The following ADCY9 variants were observed in gnomAD, a reference collection of about 807,000 sequenced individuals.
The protein encoded by ADCY9 is adenylate cyclase type 9.
In ADCY9, 50 loss-of-function variants were observed where a neutral mutation model predicts 101.5. That is an observed-to-expected ratio of 0.49 (90% confidence interval 0.39 to 0.62). The LOEUF (loss-of-function observed/expected upper bound fraction) is 0.62, where lower values mean the gene tolerates loss of function less well. Ranked by LOEUF, ADCY9 falls within the 20% of genes least tolerant of loss-of-function variation. The pLI is 0.00. For missense variants in ADCY9, 1,662 were observed against 1,800.4 expected (o/e 0.92, Z 1.39); for synonymous variants, 905 against 769.3 (o/e 1.18, Z -2.92).
chr16:4,052,296 G>A (rs1471396528), intron 2 of ADCY9, among the ~76,000 whole-genome samples: 1 of 152,220 alleles, frequency 6.6e-6, no homozygotes, highest in Non-Finnish European at 1.5e-5. Flanking sequence ...GGGCTCCGGG[G>A]CCTCTGCATT....
rs557256393 is a variant in ADCY9 at position 4,108,423 on chromosome 16, G to C, written c.1693+5327C>G. On this transcript the variant is annotated intron_variant, in intron 2 of 10. Coordinates refer to ENST00000294016, the MANE Select transcript of ADCY9 (RefSeq NM_001116.4). ...AAGTCTCGCCCTATCGCCCAGGCTG[G>C]AGTGCAATGGCACGATCTCGGCTCA... Among the ~76,000 whole-genome samples the C allele has an allele frequency of 2.3e-3, 302 of 132,014 alleles. 1 individual carries two copies. Among genetic ancestry groups the C allele is most frequent in the African/African-American group, 8.0e-3 (288 of 35,968 alleles). The allele number at this position is 132,014 out of a possible 152,430, so 86.6% of individuals were successfully genotyped here. A position where few individuals can be genotyped will look rare whatever the true frequency, so the allele number is the denominator to read the frequency against.
intron 6 of ADCY9, among the ~76,000 whole-genome samples, chr16:3,985,798 T>C (rs2141693913): frequency 6.6e-6 from 1 of 152,214 alleles, no homozygotes; most frequent in African/African-American, 2.4e-5. Flanking sequence ...CCTGCCCTGC[T>C]ACTTGCCAGA....
intron 2 of ADCY9, among the ~76,000 whole-genome samples, chr16:4,098,353 T>C (rs994413681): frequency 1.1e-4 from 17 of 151,840 alleles, no homozygotes; most frequent in Non-Finnish European, 1.5e-5. Flanking sequence ...CCTGTCTCAA[T>C]TTCCCGAGTA....
rs564832517 is a variant in ADCY9 at position 3,993,499 on chromosome 16, C to T, written c.1896G>A (p.Ser632=). ...KTFDNLKTCP[S]CGITFAPKSE... ...ATTTGGGAGCAAATGTGATTCCGCACGAAGGGCAGGTCTAGAAGAAAAACA... is the reference window on the plus strand; with the variant it reads ...ATTTGGGAGCAAATGTGATTCCGCATGAAGGGCAGGTCTAGAAGAAAAACA... The change falls in exon 4 of 11, where the codon TCG becomes TCA. Residue 632 remains serine, a synonymous_variant. Coordinates refer to ENST00000294016, the MANE Select transcript of ADCY9 (RefSeq NM_001116.4). 4.0e-5 allele frequency: 65 copies of T among 1,614,034 alleles called. No individual in the cohort carries two copies. Among genetic ancestry groups the T allele is most frequent in the South Asian group, 2.7e-4 (25 of 91,074 alleles).
rs1646744104 is a variant in ADCY9, at chr16:3,977,513, G to T, written c.2797C>A (p.Leu933Ile). Residue 933 changes from leucine (L) to isoleucine (I), a missense_variant, in exon 9 of 11, where the codon CTC (leucine) becomes ATC (isoleucine). Around this residue, in one of 5 missense-constraint regions of ADCY9, gnomAD observed 624 missense variants for 639.1 expected, o/e 0.98. Coordinates refer to ENST00000294016, the MANE Select transcript of ADCY9 (RefSeq NM_001116.4). The part of the protein sequence containing the change: ...LATVVGAGPL[L>I]LLYVSLCPDS... ...GGGCACAGGGAGACGTAGAGCAGGA[G>T]CAGCGGCCCGGCCCCCACGACGGTG... 1.3e-6 allele frequency: 2 copies of T among 1,580,644 alleles called. No individual in the cohort carries two copies. Among genetic ancestry groups the T allele is most frequent in the Non-Finnish European group, 1.7e-6 (2 of 1,163,390 alleles).
At chr16:3,983,095 C>T (rs889853727) in intron 7 of ADCY9, 137 bp downstream of exon 7, 17 of 824,152 alleles carry the variant, frequency 2.1e-5, no homozygotes, top group Middle Eastern at 7.3e-4. Flanking sequence ...TCGGGGAGGA[C>T]ACGGGGACCC....
chr16:4,086,940 G>A (rs536225063), intron 2 of ADCY9, among the ~76,000 whole-genome samples: 40 of 151,920 alleles, frequency 2.6e-4, no homozygotes, highest in Non-Finnish European at 4.0e-4. Context: ...AATTACAGGC[G>A]TGAGCCACCA....
At chr16:4,009,251 ATGTTTTGTTT>A (rs113201607) in intron 2 of ADCY9, among the ~76,000 whole-genome samples, 6 of 150,884 alleles carry the variant, frequency 4.0e-5, no homozygotes, top group East Asian at 3.9e-4. Context: ...GAAACTCTTC[ATGTTTTGTTT>A]TGTTTTGTTT....
rs748696081 is a variant in ADCY9, at chr16:3,992,639, C to A, written c.1990-276G>T. The stretch of plus-strand genomic sequence containing the variant: ...CATTGAGACATGGGAAGAGTCGGTG[C>A]GGAGGTGGAGGGGAAGGGAGGAAAG... On this transcript the variant is annotated intron_variant, in intron 4 of 10. Coordinates refer to ENST00000294016, the MANE Select transcript of ADCY9 (RefSeq NM_001116.4). This position sits in a 1 kb window ranked among gnomAD's most constrained non-coding sequence, Gnocchi z 4.2. Among the ~76,000 whole-genome samples, 11 of 151,904 alleles carry A rather than the reference C, an allele frequency of 7.2e-5. No homozygotes were observed. Among genetic ancestry groups the A allele is most frequent in the Admixed American group, 6.6e-4 (10 of 15,248 alleles).
chr16:4,113,172 T>TAAA (rs111589177), intron 2 of ADCY9, among the ~76,000 whole-genome samples: 3,018 of 147,090 alleles, frequency 0.021, 42 homozygotes, highest in African/African-American at 0.047. Flanking sequence ...AAACTTTTTT[T>TAAA]AAAAAAAAAA....
intron 2 of ADCY9, among the ~76,000 whole-genome samples, chr16:4,061,637 G>T (rs1414367610): frequency 6.6e-6 from 1 of 151,978 alleles, no homozygotes. Flanking sequence ...AAACTAACAA[G>T]TAGAAATAAA....
At chr16:4,112,364 C>A (rs1403061723) in intron 2 of ADCY9, among the ~76,000 whole-genome samples, 2 of 152,206 alleles carry the variant, frequency 1.3e-5, no homozygotes, top group African/African-American at 2.4e-5. Context: ...AAATCTTCAA[C>A]AGCAAAGTTA....
intron 2 of ADCY9, among the ~76,000 whole-genome samples, chr16:4,029,005 G>A (rs1192145667): frequency 1.3e-5 from 2 of 151,936 alleles, no homozygotes; most frequent in South Asian, 2.1e-4. Context: ...GGCTGGTCTC[G>A]AACTCCTCAC....
chr16:3,975,497 T>C (rs2056086097), intron 9 of ADCY9, among the ~76,000 whole-genome samples: 1 of 152,202 alleles, frequency 6.6e-6, no homozygotes, highest in African/African-American at 2.4e-5. Flanking sequence ...CTACTCCGTC[T>C]GATACTGACA....
At position 4,113,813 on chromosome 16, in the gene ADCY9, C is replaced by T. The variant is rs772697228; in HGVS notation, c.1630G>A (p.Glu544Lys). The change falls in exon 2 of 11, where the codon GAA becomes AAA. Residue 544 changes from glutamate to lysine, a missense_variant. Physicochemically the swap from Glu to Lys is moderately conservative, Grantham distance 56. This residue lies in a region of ADCY9 where 624 missense variants were observed against 639.1 expected (regional missense o/e 0.98). Transcript: ENST00000294016. The stretch of plus-strand genomic sequence containing the variant: ...TCAATAACTTTCCCATCTTCCATTT[C>T]GTACCGGTCATCTAAGTATTTTGCG... ...ATAKYLDDRY[E>K]MEDGKVIERL... 1.6e-5 allele frequency: 26 copies of T among 1,614,056 alleles called. No homozygotes were observed. Among genetic ancestry groups the T allele is most frequent in the African/African-American group, 5.3e-5 (4 of 74,924 alleles).
rs1389095750 is a variant in ADCY9 at position 3,962,681 on chromosome 16, T to C, written c.*3094A>G. The C allele has an allele frequency of 6.6e-6, 1 of 152,212 alleles. No homozygotes were observed. The highest frequency in any genetic ancestry group is 2.4e-5 in the African/African-American group (1 of 41,450). The allele number at this position is 152,212 out of a possible 1,614,324, so 9.4% of individuals were successfully genotyped here. A position where few individuals can be genotyped will look rare whatever the true frequency, so the allele number is the denominator to read the frequency against. On this transcript the variant is annotated 3_prime_UTR_variant, in exon 11 of 11. Transcript: ENST00000294016. The stretch of plus-strand genomic sequence containing the variant: ...AAATTTTAGAATATTTTAATGTCCA[T>C]TTCTTCAGTGAATGCATTTTGAAAT...
chr16:4,111,257 T>A (rs1434418027), intron 2 of ADCY9, among the ~76,000 whole-genome samples: 3 of 151,108 alleles, frequency 2.0e-5, no homozygotes, highest in African/African-American at 7.3e-5. Flanking sequence ...GAAAGGCTAA[T>A]ACACCCAGTA....
At chr16:4,039,679 CAAAAAAAAAAA>C (rs35158886) in intron 2 of ADCY9, among the ~76,000 whole-genome samples, 2 of 64,654 alleles carry the variant, frequency 3.1e-5, no homozygotes, top group East Asian at 6.8e-4. Flanking sequence ...AACTCTGTCT[CAAAAAAAAAAA>C]AAAAAAAAAA....
At chr16:4,000,903 G>C (rs572762895) in intron 3 of ADCY9, among the ~76,000 whole-genome samples, 1 of 146,160 alleles carries the variant, frequency 6.8e-6, no homozygotes, top group Non-Finnish European at 1.5e-5. Flanking sequence ...TCATGGAAAT[G>C]CAATATTTCA....
Sources: allele counts gnomAD v4.1 joint callset (sites outside exome capture counted in the v4.1 genomes callset), GRCh38; gene constraint gnomAD v4.1.1; regional missense constraint gnomAD v4.1.1; non-coding constraint Gnocchi (gnomAD v3.1); transcripts MANE v1.5; gene names NCBI Gene and HGNC (gene_info 2026-07-23, HGNC 2026-07-21).